The following FGFR1 variants were observed in gnomAD, a reference collection of about 807,000 sequenced individuals.
The protein encoded by FGFR1 is FGFR1/PLAG1 fusion.
A neutral mutation model predicts 93.7 loss-of-function variants in FGFR1; 18 were observed. That is an observed-to-expected ratio of 0.19 (90% CI 0.13 to 0.28). The LOEUF is 0.28. Ranked by LOEUF, FGFR1 falls within the 10% of genes least tolerant of loss-of-function variation. The pLI is 1.00. For missense variants in FGFR1, 731 were observed against 1,080.4 expected, an observed-to-expected ratio of 0.68 and a Z score of 4.53; for synonymous variants, 448 against 429.3, an observed-to-expected ratio of 1.04 and a Z score of -0.54.
intron 2 of FGFR1, among the ~76,000 whole-genome samples, chr8:38,432,867 C>A (rs573788891): frequency 6.6e-6 from 1 of 152,036 alleles, no homozygotes; most frequent in African/African-American, 2.4e-5. Context: ...TCTCTCCACC[C>A]AGCCCCATTC....
At position 38,418,217 on chromosome 8, in the gene FGFR1, A is replaced by C. The variant is rs753468887; in HGVS notation, c.1430+11T>G. 2 of 1,614,228 alleles carry C rather than the reference A, an allele frequency of 1.2e-6. No individual in the cohort carries two copies. Among genetic ancestry groups the C allele is most frequent in the South Asian group, 1.1e-5 (1 of 91,090 alleles). On this transcript the variant is annotated intron_variant, in intron 10 of 17. Coordinates refer to ENST00000447712, the MANE Select transcript of FGFR1 (RefSeq NM_023110.3). Reference sequence around the variant, plus strand: ...ATGCCTTCAAAAAGTTGGGAGTCAAAGTATTATTACCTGTCCCGAGGCAGC... The same window carrying C: ...ATGCCTTCAAAAAGTTGGGAGTCAACGTATTATTACCTGTCCCGAGGCAGC...
chr8:38,415,245 CACAG>C (rs1333146228), intron 13 of FGFR1, among the ~76,000 whole-genome samples: 12 of 152,238 alleles, frequency 7.9e-5, no homozygotes, highest in African/African-American at 9.6e-5. Context: ...ACTCAACACT[CACAG>C]ACAGTTTCAT....
At chr8:38,462,117 C>G (rs1361193305) in intron 1 of FGFR1, among the ~76,000 whole-genome samples, 2 of 152,274 alleles carry the variant, frequency 1.3e-5, no homozygotes, top group Non-Finnish European at 2.9e-5. Flanking sequence ...TGTAAAGTAT[C>G]TCATCAATAA....
intron 2 of FGFR1, among the ~76,000 whole-genome samples, chr8:38,442,371 G>A (rs1827807300): frequency 6.6e-6 from 1 of 151,628 alleles, no homozygotes; most frequent in African/African-American, 2.4e-5. Context: ...TGGTGTGTGT[G>A]TGTGTGTGTG....
intron 2 of FGFR1, chr8:38,430,327 T>C (rs1407283085): frequency 4.5e-6 from 1 of 224,690 alleles, no homozygotes; most frequent in Non-Finnish European, 8.8e-6. Flanking sequence ...CTCAGTTCTT[T>C]GCCAAGATTG....
intron 1 of FGFR1, chr8:38,463,240 G>A (rs1279590648): frequency 5.8e-6 from 1 of 172,774 alleles, no homozygotes; most frequent in East Asian, 1.0e-4. Flanking sequence ...GCCACAGCTC[G>A]AAGCAACATC....
chr8:38,414,197 T>C lies in FGFR1; in HGVS notation c.2141A>G (p.Lys714Arg), dbSNP rs745441616. ...VPVEELFKLL[K>R]EGHRMDKPSN... ...GGGCTTGTCCATGCGGTGACCCTCC[T>C]TCAGCAGCTTGAAAAGTTCCTCCAC... The change falls in exon 16 of 18, where the codon AAG (lysine) becomes AGG (arginine). Residue 714 changes from lysine to arginine, a missense_variant. Lys to Arg is a conservative substitution (Grantham distance 26). Coordinates refer to ENST00000447712, the MANE Select transcript of FGFR1 (RefSeq NM_023110.3). 3 of 1,614,176 alleles carry C rather than the reference T, an allele frequency of 1.9e-6. No individual in the cohort carries two copies. The African/African-American group carries it at 4.0e-5, about 22-fold the overall frequency.
At chr8:38,417,604 G>A in intron 11 of FGFR1, 188 bp from the exon 12 acceptor site, 1 of 721,524 alleles carries the variant, frequency 1.4e-6, no homozygotes, top group Non-Finnish European at 2.4e-6. Context: ...TAGTGAGTGG[G>A]CAGGGATGTG....
chr8:38,450,526 A>G (rs1185356897), intron 2 of FGFR1, among the ~76,000 whole-genome samples: 1 of 152,070 alleles, frequency 6.6e-6, no homozygotes, highest in Non-Finnish European at 1.5e-5. Context: ...ATCACCGCCC[A>G]GACACAAGCC....
chr8:38,465,418 A>T (rs1227534378), intron 1 of FGFR1: 1 of 232,126 alleles, frequency 4.3e-6, no homozygotes, highest in African/African-American at 2.2e-5. Context: ...ACACTCAGCT[A>T]TGACTAAGAG....
chr8:38,414,362 C>G (rs2150542284), intron 15 of FGFR1, 73 bp from the exon 16 acceptor site: 2 of 1,608,132 alleles, frequency 1.2e-6, no homozygotes, highest in Non-Finnish European at 8.5e-7. Flanking sequence ...ATCCTCTACC[C>G]AGGGCAGTGC....
chr8:38,414,480 T>A, intron 15 of FGFR1, 79 bp downstream of exon 15: 2 of 1,569,670 alleles, frequency 1.3e-6, no homozygotes, highest in Non-Finnish European at 1.7e-6. Flanking sequence ...GACTCCTCAG[T>A]CCAGGGAGAA....
chr8:38,423,750 G>A (rs1021525832), intron 7 of FGFR1: 1 of 159,260 alleles, frequency 6.3e-6, no homozygotes, highest in African/African-American at 2.4e-5. Context: ...TGGAGCAGGG[G>A]TTGTGAGTGG....
intron 7 of FGFR1, chr8:38,423,478 T>C (rs960580102): frequency 1.2e-5 from 4 of 322,068 alleles, no homozygotes; most frequent in Admixed American, 5.0e-5. Context: ...CCAACCACTA[T>C]GCACAGCTAA....
intron 2 of FGFR1, chr8:38,435,765 C>T (rs1586482685): frequency 6.6e-6 from 1 of 152,204 alleles, no homozygotes; most frequent in South Asian, 2.1e-4. Flanking sequence ...AAGAGAAAAG[C>T]TACCTGACAC....
At chr8:38,466,963 C>G (rs1379198707) in intron 1 of FGFR1, among the ~76,000 whole-genome samples, 1 of 151,386 alleles carries the variant, frequency 6.6e-6, no homozygotes, top group Admixed American at 6.6e-5. Context: ...TATATGAACC[C>G]CCATCTACAA....
rs916701834 is a variant in FGFR1 at position 38,429,514 on chromosome 8, G to C, written c.358+168C>G. ...CCACCCCACCTAGTCACCTCTCTGA[G>C]AGCCAAGCCACGCGGCAGGCAGGGA... On this transcript the variant is annotated intron_variant, in intron 3 of 17. Transcript: ENST00000447712. This position sits in a 1 kb window ranked among gnomAD's most constrained non-coding sequence, Gnocchi z 4.4. The C allele has an allele frequency of 9.2e-5, 77 of 837,248 alleles. No homozygotes were observed. The African/African-American group carries it at 1.1e-3, about 12-fold the overall frequency. The allele number at this position is 837,248 out of a possible 1,614,324, so 51.9% of individuals were successfully genotyped here. A position where few individuals can be genotyped will look rare whatever the true frequency, so the allele number is the denominator to read the frequency against.
chr8:38,427,880 CT>C (rs1295929560), intron 5 of FGFR1, 40 bp downstream of exon 5: 12 of 1,611,978 alleles, frequency 7.4e-6, no homozygotes, highest in African/African-American at 1.3e-5. Flanking sequence ...TCGGCCTCCC[CT>C]GTTCCCATTA....
chr8:38,458,595 C>T (rs1833546680), intron 1 of FGFR1, among the ~76,000 whole-genome samples: 1 of 152,032 alleles, frequency 6.6e-6, no homozygotes, highest in South Asian at 2.1e-4. Flanking sequence ...GCCAACCAGT[C>T]CCTCTGGTGA....
Sources: allele counts gnomAD v4.1 joint callset (sites outside exome capture counted in the v4.1 genomes callset), GRCh38; gene constraint gnomAD v4.1.1; non-coding constraint Gnocchi (gnomAD v3.1); transcripts MANE v1.5; gene names NCBI Gene and HGNC (gene_info 2026-07-23, HGNC 2026-07-21).